Variants in STXBP5 observed in about 807,000 individuals in gnomAD.
STXBP5 encodes syntaxin binding protein 5.
Under a neutral mutation model 152.4 loss-of-function variants are expected in STXBP5, and 50 were observed. The observed-to-expected ratio is 0.33, with a 90% CI of 0.26 to 0.42. The LOEUF is 0.42. STXBP5 is among the 10% of genes least tolerant of loss of function. STXBP5 has a pLI of 1.00. For synonymous variants in STXBP5, 492 were observed against 494.7 expected (o/e 0.99, Z 0.07); for missense variants, 1,167 against 1,388.6 (o/e 0.84, Z 2.54).
chr6:147,327,106 G>A lies in STXBP5; in HGVS notation c.1929-19G>A, dbSNP rs761203534. 6.2e-7 allele frequency: 1 copy of A among 1,604,790 alleles called. No homozygotes were observed. On this transcript the variant is annotated intron_variant, in intron 17 of 27. Transcript: ENST00000321680. The stretch of plus-strand genomic sequence containing the variant: ...ATTATTTGTTTGTGCTAAAATGTTT[G>A]TTATTTTCCTATTCCCAGGGTGGTT...
intron 16 of STXBP5, among the ~76,000 whole-genome samples, chr6:147,318,430 T>C (rs1430840286): frequency 6.6e-6 from 1 of 152,150 alleles, no homozygotes; most frequent in Non-Finnish European, 1.5e-5. Context: ...CAAACCAAAA[T>C]GCAGAGTACA....
chr6:147,276,664 A>G (rs1482782026), intron 7 of STXBP5, among the ~76,000 whole-genome samples: 4 of 152,166 alleles, frequency 2.6e-5, no homozygotes, highest in Non-Finnish European at 5.9e-5. Flanking sequence ...TTTTGCAGAA[A>G]TAAGTTTACT....
In STXBP5 at chr6:147,235,260, C is replaced by G. The variant is rs1562427495; in HGVS notation, c.259C>G (p.Pro87Ala). ...TGGAATTAATTACAGCTTTGGTCGT[C>G]CAGGAGTAGAATGTTATTGCCAGCA... ...QTGALRLFGR[P>A]GVECYCQHDS... The change falls in exon 3 of 28, where the codon CCA (proline) becomes GCA (alanine). Residue 87 changes from proline (P) to alanine (A), a missense_variant. Around this residue, in one of 3 missense-constraint regions of STXBP5, gnomAD observed 310 missense variants for 346.1 expected, o/e 0.90. Coordinates refer to ENST00000321680, the MANE Select transcript of STXBP5 (RefSeq NM_001127715.4). 1 of 1,613,212 alleles carries G rather than the reference C, an allele frequency of 6.2e-7. No homozygotes were observed. The highest frequency in any genetic ancestry group is 1.7e-5 in the Admixed American group (1 of 59,958).
chr6:147,204,501 C>T lies in STXBP5; in HGVS notation c.-32C>T. On this transcript the variant is annotated 5_prime_UTR_variant, in exon 1 of 28. Coordinates refer to ENST00000321680, the MANE Select transcript of STXBP5 (RefSeq NM_001127715.4). The surrounding 1 kb of genome is among the most constrained non-coding windows in gnomAD (Gnocchi z 4.3). ...CGCCCGGGGACCCCCTGTGCCTCCC[C>T]TCCCGGGCTGCGGGGGAGCCCCTCC... 9.3e-6 allele frequency: 15 copies of T among 1,607,970 alleles called. No individual in the cohort carries two copies. Among genetic ancestry groups the T allele is most frequent in the Non-Finnish European group, 1.1e-5 (13 of 1,178,096 alleles).
intron 4 of STXBP5, among the ~76,000 whole-genome samples, chr6:147,253,626 G>A (rs776576321): frequency 2.9e-4 from 44 of 152,222 alleles, no homozygotes; most frequent in Non-Finnish European, 3.4e-4. Flanking sequence ...AAATCATTGT[G>A]CAAAAATCAT....
At chr6:147,369,428 G>A (rs974727473) in intron 25 of STXBP5, among the ~76,000 whole-genome samples, 1 of 152,000 alleles carries the variant, frequency 6.6e-6, no homozygotes, top group Non-Finnish European at 1.5e-5. Flanking sequence ...TATTAGCCAT[G>A]ACACCAAAAG....
rs1323657800 is a variant in STXBP5, at chr6:147,384,971, G to A, written c.*216G>A. Reference sequence around the variant, plus strand: ...AGTATATGGTGTGTGCCAGTTATGAGTTGACCATTTGGGAATTAAACAGGT... The same window carrying A: ...AGTATATGGTGTGTGCCAGTTATGAATTGACCATTTGGGAATTAAACAGGT... On this transcript the variant is annotated 3_prime_UTR_variant, in exon 28 of 28. Transcript: ENST00000321680. 1.8e-6 allele frequency: 1 copy of A among 544,930 alleles called. No individual in the cohort carries two copies. The highest frequency in any genetic ancestry group is 1.9e-5 in the African/African-American group (1 of 51,286). 33.8% of individuals were successfully genotyped at this position (544,930 alleles called of 1,614,324 possible).
intron 16 of STXBP5, among the ~76,000 whole-genome samples, chr6:147,317,478 A>G (rs1017110807): frequency 2.6e-5 from 4 of 152,184 alleles, no homozygotes; most frequent in African/African-American, 7.2e-5. Context: ...AGTAGACACA[A>G]CATGAGGAAG....
intron 4 of STXBP5, among the ~76,000 whole-genome samples, chr6:147,241,651 T>C (rs970368723): frequency 4.6e-5 from 7 of 152,180 alleles, no homozygotes; most frequent in Admixed American, 4.6e-4. Context: ...TAGCATCTTA[T>C]AGATTAGAGA....
At chr6:147,210,901 G>A (rs542761635) in intron 2 of STXBP5, among the ~76,000 whole-genome samples, 50 of 152,198 alleles carry the variant, frequency 3.3e-4, no homozygotes, top group Admixed American at 2.4e-3. Context: ...TTCTCTCAGC[G>A]AATACTGAGT....
intron 2 of STXBP5, among the ~76,000 whole-genome samples, chr6:147,213,816 G>T (rs1777021371): frequency 6.6e-6 from 1 of 152,070 alleles, no homozygotes; most frequent in Non-Finnish European, 1.5e-5. Context: ...ATGTTTATCT[G>T]TTTAAGAGTA....
At chr6:147,359,656 C>T (rs966263645) in intron 23 of STXBP5, among the ~76,000 whole-genome samples, 11 of 139,058 alleles carry the variant, frequency 7.9e-5, no homozygotes, top group Admixed American at 3.0e-4. Context: ...TTCCCCTTCC[C>T]GTGTCCATGT....
Position 147,204,937 on chromosome 6 carries a change from A to C in STXBP5, c.150+255A>C, listed in dbSNP as rs1776462729. Among the ~76,000 whole-genome samples, 4 of 152,152 alleles carry C rather than the reference A, an allele frequency of 2.6e-5. No homozygotes were observed. Among genetic ancestry groups the C allele is most frequent in the Admixed American group, 2.0e-4 (3 of 15,280 alleles). ...CAGCAATCAGTTCAAGGTTGCTTCA[A>C]ACTATTATCCGACCTTTAATCGTAT... On this transcript the variant is annotated intron_variant, in intron 1 of 27. Coordinates refer to ENST00000321680, the MANE Select transcript of STXBP5 (RefSeq NM_001127715.4). The surrounding 1 kb of genome is among the most constrained non-coding windows in gnomAD (Gnocchi z 4.3).
chr6:147,339,439 C>T lies in STXBP5; in HGVS notation c.2254+55C>T, dbSNP rs1783991009. Reference sequence around the variant, plus strand: ...TAATCCTTGCTATATGCAGTGCTAACCCAACACCAGAATTATCCAGTGCAT... The same window carrying T: ...TAATCCTTGCTATATGCAGTGCTAATCCAACACCAGAATTATCCAGTGCAT... On this transcript the variant is annotated intron_variant, in intron 21 of 27. Transcript: ENST00000321680. 4.6e-6 allele frequency: 6 copies of T among 1,308,234 alleles called. No homozygotes were observed. In the South Asian group the frequency reaches 8.7e-5, roughly 19 times the overall value. 81.0% of individuals were successfully genotyped at this position (1,308,234 alleles called of 1,614,324 possible). A position where few individuals can be genotyped will look rare whatever the true frequency, so the allele number is the denominator to read the frequency against.
chr6:147,324,167 TTGCTCATATTTGTTG>T (rs1182202908), intron 16 of STXBP5, among the ~76,000 whole-genome samples: 1 of 151,930 alleles, frequency 6.6e-6, no homozygotes, highest in Non-Finnish European at 1.5e-5. Flanking sequence ...CACACACAAA[TTGCTCATATTTGTTG>T]TAACTCATTT....
At chr6:147,248,284 A>G (rs973493298) in intron 4 of STXBP5, among the ~76,000 whole-genome samples, 42 of 151,960 alleles carry the variant, frequency 2.8e-4, no homozygotes, top group Non-Finnish European at 5.9e-4. Context: ...CCATCTCAAA[A>G]AAAAAAAAAA....
At chr6:147,220,858 G>T (rs998802722) in intron 2 of STXBP5, among the ~76,000 whole-genome samples, 1 of 152,068 alleles carries the variant, frequency 6.6e-6, no homozygotes, top group Non-Finnish European at 1.5e-5. Flanking sequence ...GGCCATTGAA[G>T]TTTAAAGTGA....
At chr6:147,352,274 T>C (rs927005082) in intron 21 of STXBP5, among the ~76,000 whole-genome samples, 4 of 152,360 alleles carry the variant, frequency 2.6e-5, no homozygotes, top group Admixed American at 6.5e-5. Flanking sequence ...GAGTCAGATA[T>C]TGTATAATGT....
intron 9 of STXBP5, among the ~76,000 whole-genome samples, chr6:147,298,833 C>G (rs1781662626): frequency 6.6e-6 from 1 of 151,794 alleles, no homozygotes; most frequent in Non-Finnish European, 1.5e-5. Flanking sequence ...AAAAGCAGTC[C>G]TAAGAGGAAA....
Sources: allele counts gnomAD v4.1 joint callset (sites outside exome capture counted in the v4.1 genomes callset), GRCh38; gene constraint gnomAD v4.1.1; regional missense constraint gnomAD v4.1.1; non-coding constraint Gnocchi (gnomAD v3.1); transcripts MANE v1.5; gene names NCBI Gene and HGNC (gene_info 2026-07-23, HGNC 2026-07-21).